Variants in CFAP70 observed in about 807,000 individuals in gnomAD.
CFAP70 encodes the protein cilia- and flagella-associated protein 70.
In CFAP70, 81 loss-of-function variants were observed where a neutral mutation model predicts 137.6. That is an observed-to-expected ratio of 0.59 (90% CI 0.49 to 0.71). The LOEUF (loss-of-function observed/expected upper bound fraction) is 0.71. Among genes scored for constraint, CFAP70 ranks in the 30% least tolerant of loss-of-function variants. The pLI is 0.00. For synonymous variants in CFAP70, 382 were observed against 423.6 expected (o/e 0.90, Z 1.20); for missense variants, 976 against 1,226.7 (o/e 0.80, Z 3.05).
At chr10:73,308,586 C>T (rs1331422698) in intron 12 of CFAP70, among the ~76,000 whole-genome samples, 1 of 148,120 alleles carries the variant, frequency 6.8e-6, no homozygotes, top group African/African-American at 2.5e-5. Context: ...TGAGATCACA[C>T]CATTGCACTC....
intron 4 of CFAP70, 138 bp from the exon 6 acceptor site, chr10:73,345,382 T>G (rs1412790268): frequency 1.3e-6 from 1 of 782,992 alleles, no homozygotes; most frequent in African/African-American, 1.7e-5. Context: ...GAAACCATGT[T>G]CTCTAAGTCC....
In CFAP70 at chr10:73,299,729, T is replaced by G. The variant is rs2048807644; in HGVS notation, c.1257-64A>C. 3 of 1,317,264 alleles carry G rather than the reference T, an allele frequency of 2.3e-6. No individual in the cohort carries two copies. The Admixed American group carries it at 6.3e-5, about 28-fold the overall frequency. 81.6% of individuals were successfully genotyped at this position (1,317,264 alleles called of 1,614,324 possible). On this transcript the variant is annotated intron_variant, in intron 12 of 26. Coordinates refer to ENST00000310715, the Ensembl canonical transcript of CFAP70. ...AATTTATTATCTACAGATGTATATT[T>G]TCTTTTATCTTATCCTCAAAGTGTC...
intron 7 of CFAP70, among the ~76,000 whole-genome samples, chr10:73,331,723 C>T (rs1203701431): frequency 2.6e-5 from 4 of 152,082 alleles, no homozygotes; most frequent in Non-Finnish European, 4.4e-5. Context: ...GTTTTTAAAA[C>T]TTTCCCAAAT....
intron 22 of CFAP70, 181 bp from the exon 24 acceptor site, chr10:73,274,775 G>A (rs2046572728): frequency 3.4e-6 from 2 of 589,718 alleles, no homozygotes; most frequent in South Asian, 5.4e-5. Context: ...TGTACAAGGA[G>A]ACATTTTTCT....
At chr10:73,327,896 G>A (rs2051637839) in intron 8 of CFAP70, among the ~76,000 whole-genome samples, 1 of 152,146 alleles carries the variant, frequency 6.6e-6, no homozygotes. Context: ...TCAATATCGT[G>A]AAAATGGCCA....
chr10:73,339,384 G>A (rs1564868675), intron 6 of CFAP70, among the ~76,000 whole-genome samples: 1 of 152,232 alleles, frequency 6.6e-6, no homozygotes, highest in Non-Finnish European at 1.5e-5. Context: ...GTATCTAGAA[G>A]GAAACACAAG....
At chr10:73,355,363 C>T (rs1414448503) in intron 1 of CFAP70, among the ~76,000 whole-genome samples, 1 of 152,180 alleles carries the variant, frequency 6.6e-6, no homozygotes, top group East Asian at 1.9e-4. Flanking sequence ...TTGTGCACTC[C>T]TTATAAGAAT....
intron 25 of CFAP70, among the ~76,000 whole-genome samples, chr10:73,260,563 T>C (rs1019352027): frequency 2.6e-5 from 4 of 152,214 alleles, no homozygotes; most frequent in African/African-American, 9.7e-5. Flanking sequence ...CGTTATGTTG[T>C]GCAAGCATCA....
intron 7 of CFAP70, among the ~76,000 whole-genome samples, chr10:73,333,888 A>C (rs1329344250): frequency 6.6e-6 from 1 of 152,180 alleles, no homozygotes. Flanking sequence ...TCTGATAACT[A>C]TTTGTTCAAG....
chr10:73,283,903 G>C (rs1197948937), intron 19 of CFAP70, among the ~76,000 whole-genome samples: 1 of 152,160 alleles, frequency 6.6e-6, no homozygotes, highest in Non-Finnish European at 1.5e-5. Flanking sequence ...ACATATAGTT[G>C]AGGTTTTAAA....
At chr10:73,259,336 A>AT (rs2044886641) in intron 25 of CFAP70, among the ~76,000 whole-genome samples, 1 of 152,170 alleles carries the variant, frequency 6.6e-6, no homozygotes, top group Non-Finnish European at 1.5e-5. Flanking sequence ...CTGCCACATC[A>AT]TTATTCTAAG....
In CFAP70 at chr10:73,345,246, T is replaced by G. The variant is rs768932468; in HGVS notation, c.350-132A>C. 1 of 1,608,314 alleles carries G rather than the reference T, an allele frequency of 6.2e-7. No individual in the cohort carries two copies. The stretch of plus-strand genomic sequence containing the variant: ...TACTTTAACTTCAAGACTGCACTGC[T>G]GTAAAAGAATAAAATTATGCAGCAT... On this transcript the variant is annotated intron_variant, in intron 4 of 26. Coordinates refer to ENST00000310715, the Ensembl canonical transcript of CFAP70.
intron 24 of CFAP70, among the ~76,000 whole-genome samples, chr10:73,270,100 G>T (rs1157759745): frequency 1.3e-5 from 2 of 152,212 alleles, no homozygotes; most frequent in Non-Finnish European, 2.9e-5. Flanking sequence ...TGGGCTGTCA[G>T]ATACATTTAT....
chr10:73,312,981 C>G (rs2050039930), intron 9 of CFAP70, among the ~76,000 whole-genome samples: 1 of 152,132 alleles, frequency 6.6e-6, no homozygotes, highest in African/African-American at 2.4e-5. Context: ...CACCTGTAAT[C>G]CCAGAACTTT....
chr10:73,266,896 T>C (rs1448475194), intron 25 of CFAP70, among the ~76,000 whole-genome samples: 1 of 149,200 alleles, frequency 6.7e-6, no homozygotes, highest in Non-Finnish European at 1.5e-5. Context: ...CTACTCCTTA[T>C]CATTTTCTCA....
chr10:73,324,066 C>A (rs1044751875), intron 8 of CFAP70, among the ~76,000 whole-genome samples: 1 of 152,200 alleles, frequency 6.6e-6, no homozygotes, highest in African/African-American at 2.4e-5. Flanking sequence ...CCCCGAGCAG[C>A]CTAACTGGGA....
intron 19 of CFAP70, among the ~76,000 whole-genome samples, chr10:73,279,571 AT>A (rs1403492055): frequency 1.7e-5 from 2 of 119,458 alleles, no homozygotes; most frequent in Non-Finnish European, 3.4e-5. Flanking sequence ...ATAAATAAAT[AT>A]AAGAAGTTGG....
At chr10:73,329,134 T>C (rs915580497) in intron 8 of CFAP70, among the ~76,000 whole-genome samples, 2 of 152,130 alleles carry the variant, frequency 1.3e-5, no homozygotes, top group Admixed American at 1.3e-4. Context: ...ATGTGGCACA[T>C]ATACACCGTG....
rs371931583 is a variant in CFAP70 at position 73,356,048 on chromosome 10, A to C, written c.-39-1213T>G. Among the ~76,000 whole-genome samples the C allele has an allele frequency of 4.4e-4, 67 of 152,318 alleles. 2 individuals carry two copies. The South Asian group carries it at 0.012, about 28-fold the overall frequency. On this transcript the variant is annotated intron_variant, in intron 1 of 26. Transcript: ENST00000310715. ...AAAATATATTTTGAGAGCAGGAAAG[A>C]AGCAGCCACACAAAATGGTAGTCCA...
Sources: allele counts gnomAD v4.1 joint callset (sites outside exome capture counted in the v4.1 genomes callset), GRCh38; gene constraint gnomAD v4.1.1; transcripts MANE v1.5; gene names NCBI Gene and HGNC (gene_info 2026-07-23, HGNC 2026-07-21).